Variants in NF1 observed in about 807,000 individuals in gnomAD.
NF1 encodes the protein neurofibromin.
NF1 carries 122 observed loss-of-function variants against 325.7 expected under a neutral mutation model. That is an observed-to-expected ratio of 0.37 (90% CI 0.32 to 0.44). The LOEUF is 0.44. Among genes scored for constraint, NF1 ranks in the 20% least tolerant of loss-of-function variants. The probability of loss-of-function intolerance (pLI) is 1.00; values close to 1 mark genes in which losing one functional copy is unlikely to be tolerated. For synonymous variants in NF1, 1,091 were observed against 1,186.0 expected (o/e 0.92, Z 1.65); for missense variants, 2,140 against 3,415.4 (o/e 0.63, Z 9.31).
intron 1 of NF1, among the ~76,000 whole-genome samples, chr17:31,130,869 G>C (rs1186901774): frequency 6.6e-6 from 1 of 152,234 alleles, no homozygotes; most frequent in African/African-American, 2.4e-5. Context: ...GCATGGAGCA[G>C]CCTTCGGTGG....
In NF1 at chr17:31,375,361, G is replaced by A; in HGVS notation, c.*1206G>A. 1 of 230,902 alleles carries A rather than the reference G, an allele frequency of 4.3e-6. No individual in the cohort carries two copies. Among genetic ancestry groups the A allele is most frequent in the Middle Eastern group, 1.3e-3 (1 of 764 alleles). The allele number at this position is 230,902 out of a possible 1,614,324, so 14.3% of individuals were successfully genotyped here. A position where few individuals can be genotyped will look rare whatever the true frequency, so the allele number is the denominator to read the frequency against. ...GAATTGCATTTAATCACTGTGAAAA[G>A]ACTGGTCAGCCTGCATTAGTATGAC... On this transcript the variant is annotated 3_prime_UTR_variant, in exon 58 of 58. Transcript: ENST00000358273.
intron 2 of NF1, among the ~76,000 whole-genome samples, chr17:31,158,157 T>C (rs1266923197): frequency 1.3e-5 from 2 of 152,206 alleles, no homozygotes; most frequent in Admixed American, 1.3e-4. Flanking sequence ...AGCTTCCACA[T>C]ATGAGTGAGA....
chr17:31,366,411 C>T lies in NF1; in HGVS notation c.8377+5708C>T, dbSNP rs143664712. Reference sequence around the variant, plus strand: ...TTGGTCCAAGCCTACCAGTCATTCTCTCACTTTGCTTCTGTAATGTAGACC... The same window carrying T: ...TTGGTCCAAGCCTACCAGTCATTCTTTCACTTTGCTTCTGTAATGTAGACC... On this transcript the variant is annotated intron_variant, in intron 57 of 57. Transcript: ENST00000358273. Among the ~76,000 whole-genome samples the T allele has an allele frequency of 7.4e-4, 112 of 152,318 alleles. 1 individual carries two copies. Among genetic ancestry groups the T allele is most frequent in the African/African-American group, 2.6e-3 (108 of 41,558 alleles).
At position 31,235,850 on chromosome 17, in the gene NF1, G is replaced by A. The variant is rs1050028779; in HGVS notation, c.3871-68G>A. Reference sequence around the variant, plus strand: ...GATTATGTACAGAATGTGCAGGGCTGATTGTCTTCTTTTAAGGTAAAATAT... The same window carrying A: ...GATTATGTACAGAATGTGCAGGGCTAATTGTCTTCTTTTAAGGTAAAATAT... On this transcript the variant is annotated intron_variant, in intron 28 of 57. Transcript: ENST00000358273. 15 of 1,610,090 alleles carry A rather than the reference G, an allele frequency of 9.3e-6. No homozygotes were observed. The East Asian group carries it at 3.1e-4, about 33-fold the overall frequency.
chr17:31,210,573 GAGA>G (rs1567840210), intron 12 of NF1, among the ~76,000 whole-genome samples: 1 of 152,056 alleles, frequency 6.6e-6, no homozygotes, highest in Admixed American at 6.5e-5. Flanking sequence ...GCAACGGAGC[GAGA>G]CTCTGTCTCA....
chr17:31,340,718 C>A, intron 47 of NF1, 73 bp downstream of exon 47: 1 of 1,479,650 alleles, frequency 6.8e-7, no homozygotes, highest in Non-Finnish European at 9.4e-7. Flanking sequence ...TGTTGCTATT[C>A]TTTTAAAATC....
chr17:31,290,256 T>A (rs1170745666), intron 36 of NF1, among the ~76,000 whole-genome samples: 1 of 152,192 alleles, frequency 6.6e-6, no homozygotes, highest in Non-Finnish European at 1.5e-5. Context: ...ACCTGAAGAC[T>A]TACAAATATT....
In NF1 at chr17:31,340,779, A is replaced by ACTTAAT. The variant is rs2069799897; in HGVS notation, c.7062+134_7062+135insCTTAAT. ...AATTTGTATAATGTAACTTATTGTGAGTATATTTCCTTACCAGCTCATAAA... is the reference window on the plus strand; with the variant it reads ...AATTTGTATAATGTAACTTATTGTGACTTAATGTATATTTCCTTACCAGCTCATAAA... On this transcript the variant is annotated intron_variant, in intron 47 of 57. Coordinates refer to ENST00000358273, the MANE Select transcript of NF1 (RefSeq NM_001042492.3). 4.4e-6 allele frequency: 4 copies of ACTTAAT among 899,408 alleles called. No homozygotes were observed. In the Admixed American group the frequency reaches 9.0e-5, roughly 20 times the overall value. 55.7% of individuals were successfully genotyped at this position (899,408 alleles called of 1,614,324 possible). A position where few individuals can be genotyped will look rare whatever the true frequency, so the allele number is the denominator to read the frequency against.
chr17:31,374,192 TG>T lies in NF1; in HGVS notation c.*40del. On this transcript the variant is annotated 3_prime_UTR_variant, in exon 58 of 58. Coordinates refer to ENST00000358273, the MANE Select transcript of NF1 (RefSeq NM_001042492.3). ...TTTCTTTTTTAAAATCAACTTAACA[TG>T]GGCTCTTCACTAGTGACCCCTTCCC... is the stretch of plus-strand genomic sequence containing the variant. 6.2e-7 allele frequency: 1 copy of T among 1,613,622 alleles called. No individual in the cohort carries two copies. The highest frequency in any genetic ancestry group is 8.5e-7 in the Non-Finnish European group (1 of 1,179,672).
chr17:31,313,758 G>C (rs1354077921), intron 36 of NF1, among the ~76,000 whole-genome samples: 1 of 139,328 alleles, frequency 7.2e-6, no homozygotes, highest in East Asian at 2.0e-4. Flanking sequence ...GTGTGTGTGT[G>C]AGATTAAATA....
intron 1 of NF1, chr17:31,138,479 G>C (rs1470888708): frequency 1.3e-5 from 2 of 152,168 alleles, no homozygotes; most frequent in Non-Finnish European, 2.9e-5. Context: ...GGCCAGGCTG[G>C]TCTCGAACTC....
intron 1 of NF1, among the ~76,000 whole-genome samples, chr17:31,128,967 C>T (rs931604660): frequency 1.1e-4 from 17 of 151,740 alleles, no homozygotes; most frequent in Non-Finnish European, 1.8e-4. Flanking sequence ...CCTCCAATCT[C>T]TTCTGACTTG....
At position 31,157,391 on chromosome 17, in the gene NF1, C is replaced by T. The variant is rs374270460; in HGVS notation, c.204+1265C>T. 4.2e-4 allele frequency among the ~76,000 whole-genome samples: 64 copies of T among 151,988 alleles called. 1 individual carries two copies. The South Asian group carries it at 0.013, about 32-fold the overall frequency. On this transcript the variant is annotated intron_variant, in intron 2 of 57. Coordinates refer to ENST00000358273, the MANE Select transcript of NF1 (RefSeq NM_001042492.3). The stretch of plus-strand genomic sequence containing the variant: ...CCCCCTTCCTTTTTTTTGAGATGGT[C>T]CTTAGGTTTATTAGATAATATTCTA...
At chr17:31,190,541 A>G (rs1261306675) in intron 8 of NF1, among the ~76,000 whole-genome samples, 2 of 152,180 alleles carry the variant, frequency 1.3e-5, no homozygotes, top group African/African-American at 2.4e-5. Flanking sequence ...GTATTAGGTA[A>G]CATTCTGTTA....
At chr17:31,299,870 G>C (rs1475233894) in intron 36 of NF1, among the ~76,000 whole-genome samples, 1 of 117,776 alleles carries the variant, frequency 8.5e-6, no homozygotes, top group Non-Finnish European at 1.6e-5. Context: ...CTCTCATCTT[G>C]GAGTTTTCTC....
In NF1 at chr17:31,295,317, A is replaced by T. The variant is rs750388334; in HGVS notation, c.4835+29978A>T. 1.8e-5 allele frequency: 29 copies of T among 1,613,972 alleles called. No homozygotes were observed. Among genetic ancestry groups the T allele is most frequent in the Non-Finnish European group, 2.3e-5 (27 of 1,180,014 alleles). ...TCATGTGAATTGATAGTCTCTGTGG[A>T]TGTATCTTCTGGATAGGGCACAAAA... On this transcript the variant is annotated intron_variant, in intron 36 of 57. Coordinates refer to ENST00000358273, the MANE Select transcript of NF1 (RefSeq NM_001042492.3).
intron 57 of NF1, chr17:31,362,170 T>G: frequency 9.7e-6 from 3 of 309,662 alleles, no homozygotes; most frequent in Non-Finnish European, 1.4e-5. Context: ...CCCCAGGCGA[T>G]TCTTACACAC....
intron 1 of NF1, among the ~76,000 whole-genome samples, chr17:31,133,879 A>G (rs143983686): frequency 4.8e-4 from 73 of 151,182 alleles, no homozygotes; most frequent in Middle Eastern, 3.4e-3. Flanking sequence ...CTGGTCTTGA[A>G]CTCCTGACCT....
rs765690267 is a variant in NF1 at position 31,200,402 on chromosome 17, G to T, written c.889-20G>T. 6.2e-7 allele frequency: 1 copy of T among 1,611,270 alleles called. No homozygotes were observed. Among genetic ancestry groups the T allele is most frequent in the Non-Finnish European group, 8.5e-7 (1 of 1,177,878 alleles). ...AAGAAACTTCATATATTATCTTATC[G>T]CTATATTTGAATTCTGTAGAAGTTA... On this transcript the variant is annotated intron_variant, in intron 8 of 57. Coordinates refer to ENST00000358273, the MANE Select transcript of NF1 (RefSeq NM_001042492.3).
Sources: allele counts gnomAD v4.1 joint callset (sites outside exome capture counted in the v4.1 genomes callset), GRCh38; gene constraint gnomAD v4.1.1; transcripts MANE v1.5; gene names NCBI Gene and HGNC (gene_info 2026-07-23, HGNC 2026-07-21).